PEF1: variants seen among roughly 807,000 people sequenced by gnomAD.
PEF1 encodes the protein penta-EF-hand domain containing 1.
A neutral mutation model predicts 32.0 loss-of-function variants in PEF1; 17 were observed. The ratio of observed to expected loss-of-function variants is 0.53; its 90% CI spans 0.36 to 0.80. PEF1 has a LOEUF of 0.80. Ranked by LOEUF, PEF1 falls within the 30% of genes least tolerant of loss-of-function variation. PEF1 has a pLI of 0.00. For synonymous variants in PEF1, 130 were observed against 139.8 expected (o/e 0.93, Z 0.50); for missense variants, 362 against 369.1 (o/e 0.98, Z 0.16).
At chr1:31,634,434 T>A (rs1026791880) in intron 2 of PEF1, among the ~76,000 whole-genome samples, 3 of 152,190 alleles carry the variant, frequency 2.0e-5, no homozygotes, top group Admixed American at 2.0e-4. Flanking sequence ...TTCCCCAGAA[T>A]TGTTGTGATG....
Position 31,635,239 on chromosome 1 carries a change from G to A in PEF1, c.308C>T (p.Pro103Leu). 2 of 1,614,150 alleles carry A rather than the reference G, an allele frequency of 1.2e-6. No individual in the cohort carries two copies. The highest frequency in any genetic ancestry group is 1.7e-6 in the Non-Finnish European group (2 of 1,180,012). Reference protein sequence around the residue: ...PPPSSYGAQQPGLYGQGGAPP... With the variant: ...PPPSSYGAQQLGLYGQGGAPP... ...CTACTTACCCTGTCCATAAAGCCCAGGCTGCTGGGCACCGTAGGAACTTGG... is the reference window on the plus strand; with the variant it reads ...CTACTTACCCTGTCCATAAAGCCCAAGCTGCTGGGCACCGTAGGAACTTGG... Residue 103 changes from proline (P) to leucine (L), a missense_variant, in exon 2 of 5, where the codon CCT becomes CTT. Transcript: ENST00000373703.
intron 1 of PEF1, among the ~76,000 whole-genome samples, chr1:31,639,277 C>T (rs569939284): frequency 7.9e-5 from 12 of 152,334 alleles, no homozygotes; most frequent in African/African-American, 2.6e-4. Flanking sequence ...GCCCTCTATA[C>T]ACTCGTTGAC....
chr1:31,637,307 G>A (rs1456932919), intron 1 of PEF1, among the ~76,000 whole-genome samples: 1 of 152,108 alleles, frequency 6.6e-6, no homozygotes, highest in African/African-American at 2.4e-5. Flanking sequence ...CATGACTGTG[G>A]GCCCGTGGCT....
intron 1 of PEF1, among the ~76,000 whole-genome samples, chr1:31,640,841 T>C (rs1260884069): frequency 6.6e-6 from 1 of 152,134 alleles, no homozygotes; most frequent in Admixed American, 6.5e-5. Context: ...TATCAACGGC[T>C]GTTCCAAGCT....
intron 3 of PEF1, 28 bp downstream of exon 3, chr1:31,633,131 C>A: frequency 6.2e-7 from 1 of 1,600,516 alleles, no homozygotes; most frequent in Non-Finnish European, 8.5e-7. Flanking sequence ...TGCCCCAGCT[C>A]AGGCCCAAGG....
rs1178919244 is a variant in PEF1, at chr1:31,630,562, A to G, written c.*51T>C. The G allele has an allele frequency of 6.5e-7, 1 of 1,538,642 alleles. No individual in the cohort carries two copies. The highest frequency in any genetic ancestry group is 1.4e-5 in the African/African-American group (1 of 73,514). On this transcript the variant is annotated 3_prime_UTR_variant, in exon 5 of 5. Coordinates refer to ENST00000373703, the MANE Select transcript of PEF1 (RefSeq NM_012392.4). ...GATGTCCACATACTTCTCTCACTCT[A>G]AGAAGCCAGGAAAGGTCCCTGGTGC...
chr1:31,638,633 T>G (rs1640318349), intron 1 of PEF1, among the ~76,000 whole-genome samples: 1 of 152,244 alleles, frequency 6.6e-6, no homozygotes, highest in African/African-American at 2.4e-5. Context: ...CTCCTGCCCT[T>G]CTGGCTATTG....
chr1:31,633,270 G>T lies in PEF1; in HGVS notation c.370C>A (p.Gln124Lys), dbSNP rs1365240115. The T allele has an allele frequency of 6.2e-7, 1 of 1,614,058 alleles. No homozygotes were observed. Among genetic ancestry groups the T allele is most frequent in the Non-Finnish European group, 8.5e-7 (1 of 1,179,968 alleles). The stretch of plus-strand genomic sequence containing the variant: ...CCACTGTGATCTGAGTCCACCGACT[G>T]GAACCAGGAGTAGGCCTCAGGATCC... ...NVDPEAYSWFQSVDSDHSGYI... is the reference protein window; with the variant it reads ...NVDPEAYSWFKSVDSDHSGYI... The change falls in exon 3 of 5, where the codon CAG (glutamine) becomes AAG (lysine). Residue 124 changes from glutamine (Q) to lysine (K), a missense_variant. Gln to Lys is a moderately conservative substitution (Grantham distance 53). Transcript: ENST00000373703.
intron 1 of PEF1, among the ~76,000 whole-genome samples, chr1:31,638,948 C>A (rs1640325060): frequency 6.6e-6 from 1 of 152,236 alleles, no homozygotes; most frequent in African/African-American, 2.4e-5. Context: ...AATTGTGATA[C>A]AATCTGATCA....
chr1:31,637,514 G>C (rs1441037885), intron 1 of PEF1, among the ~76,000 whole-genome samples: 1 of 151,972 alleles, frequency 6.6e-6, no homozygotes, highest in African/African-American at 2.4e-5. Flanking sequence ...GGGCATGGTG[G>C]TACACATGTA....
chr1:31,633,618 C>G (rs1397012422), intron 2 of PEF1, among the ~76,000 whole-genome samples: 1 of 152,130 alleles, frequency 6.6e-6, no homozygotes, highest in African/African-American at 2.4e-5. Flanking sequence ...CAAGAATTCT[C>G]TGGAAAAGGT....
intron 2 of PEF1, 82 bp from the exon 3 acceptor site, chr1:31,633,396 T>G: frequency 3.6e-6 from 5 of 1,407,854 alleles, no homozygotes; most frequent in Non-Finnish European, 4.8e-6. Context: ...AGGTTTCTCC[T>G]ACACACGAAG....
chr1:31,637,726 C>T (rs1432828739), intron 1 of PEF1, among the ~76,000 whole-genome samples: 4 of 151,620 alleles, frequency 2.6e-5, no homozygotes, highest in African/African-American at 4.8e-5. Flanking sequence ...AAGAAAGTTG[C>T]TCTGGCTGAA....
In PEF1 at chr1:31,644,851, G is replaced by A. The variant is rs1640510989; in HGVS notation, c.14C>T (p.Pro5Leu). The A allele has an allele frequency of 6.2e-7, 1 of 1,614,016 alleles. No homozygotes were observed. The highest frequency in any genetic ancestry group is 8.5e-7 in the Non-Finnish European group (1 of 1,179,938). MASY[P>L]YRQGCPGAAG... ...CCCTCACACACTCACCTGCCGGTAA[G>A]GATAGCTGGCCATGGTGATTCTGAC... is the stretch of plus-strand genomic sequence containing the variant. Residue 5 changes from proline (P) to leucine (L), a missense_variant, in exon 1 of 5, where the codon CCT (proline) becomes CTT (leucine). By Grantham distance (98) the Pro-to-Leu change is moderately conservative. Coordinates refer to ENST00000373703, the MANE Select transcript of PEF1 (RefSeq NM_012392.4).
chr1:31,644,700 G>A, intron 1 of PEF1, 141 bp downstream of exon 1: 4 of 1,518,572 alleles, frequency 2.6e-6, no homozygotes, highest in East Asian at 4.8e-5. Context: ...GTCCCTTTTC[G>A]GTTCTCTACA....
At chr1:31,634,739 C>T (rs1640209495) in intron 2 of PEF1, 2 of 407,320 alleles carry the variant, frequency 4.9e-6, no homozygotes, top group Non-Finnish European at 1.0e-5. Flanking sequence ...TGCCTGGTGG[C>T]TTGCAGAGGG....
intron 4 of PEF1, chr1:31,632,224 C>T: frequency 1.6e-6 from 1 of 632,126 alleles, no homozygotes; most frequent in Non-Finnish European, 2.9e-6. Flanking sequence ...AAGTTTCCAT[C>T]CTTAAGGCTC....
chr1:31,637,510 G>A (rs1314932851), intron 1 of PEF1, among the ~76,000 whole-genome samples: 1 of 152,008 alleles, frequency 6.6e-6, no homozygotes, highest in Admixed American at 6.6e-5. Context: ...AGCCGGGCAT[G>A]GTGGTACACA....
intron 1 of PEF1, among the ~76,000 whole-genome samples, chr1:31,641,325 C>T (rs141774529): frequency 1.1e-4 from 16 of 152,270 alleles, no homozygotes; most frequent in African/African-American, 3.1e-4. Flanking sequence ...ACCTCAATAG[C>T]GTCAAAACCG....
Sources: allele counts gnomAD v4.1 joint callset (sites outside exome capture counted in the v4.1 genomes callset), GRCh38; gene constraint gnomAD v4.1.1; transcripts MANE v1.5; gene names NCBI Gene and HGNC (gene_info 2026-07-23, HGNC 2026-07-21).